ROR2: variants seen among roughly 807,000 people sequenced by gnomAD.
ROR2 encodes tyrosine-protein kinase transmembrane receptor ROR2.
Under a neutral mutation model 74.9 loss-of-function variants are expected in ROR2, and 33 were observed. That is an observed-to-expected ratio of 0.44 (90% CI 0.33 to 0.59). The LOEUF (loss-of-function observed/expected upper bound fraction) is 0.59. Ranked by LOEUF, ROR2 falls within the 20% of genes least tolerant of loss-of-function variation. The pLI is 0.02. For missense variants in ROR2, 1,216 were observed against 1,313.8 expected (o/e 0.93, Z 1.15); for synonymous variants, 586 against 558.7 (o/e 1.05, Z -0.69).
At chr9:91,725,246 C>A in intron 8 of ROR2, 139 bp from the exon 9 acceptor site, 1 of 1,479,176 alleles carries the variant, frequency 6.8e-7, no homozygotes, top group African/African-American at 1.4e-5. Context: ...GTTTTGCCCA[C>A]CCAGCCTTGG....
At chr9:91,834,475 A>G (rs934457371) in intron 1 of ROR2, among the ~76,000 whole-genome samples, 6 of 152,016 alleles carry the variant, frequency 3.9e-5, no homozygotes, top group Non-Finnish European at 7.4e-5. Context: ...CCTTTATTTA[A>G]CTCTAGCCAT....
At chr9:91,889,464 C>T (rs989227648) in intron 1 of ROR2, among the ~76,000 whole-genome samples, 1 of 152,186 alleles carries the variant, frequency 6.6e-6, no homozygotes. Flanking sequence ...GGGGGTGCCT[C>T]GGCGTCTCTG....
intron 1 of ROR2, among the ~76,000 whole-genome samples, chr9:91,918,256 C>A (rs1831185311): frequency 8.0e-6 from 1 of 125,514 alleles, no homozygotes; most frequent in African/African-American, 3.4e-5. Context: ...CGACAGGAGA[C>A]TCGTCTCAAA....
intron 1 of ROR2, among the ~76,000 whole-genome samples, chr9:91,820,591 G>A (rs10992123): frequency 0.24 from 36,396 of 148,682 alleles, 4,864 homozygotes; most frequent in Admixed American, 0.42. Context: ...CCACACCCAC[G>A]TGCGCAATGC....
intron 1 of ROR2, among the ~76,000 whole-genome samples, chr9:91,857,535 G>A (rs1350374697): frequency 6.6e-6 from 1 of 152,212 alleles, no homozygotes; most frequent in Non-Finnish European, 1.5e-5. Context: ...CAGGCACCAT[G>A]AGAAAAAGGC....
chr9:91,921,856 C>G (rs1215032679), intron 1 of ROR2, among the ~76,000 whole-genome samples: 2 of 88,322 alleles, frequency 2.3e-5, no homozygotes, highest in Non-Finnish European at 4.7e-5. Flanking sequence ...GACTCCGTCT[C>G]AAAAAAAAAA....
intron 1 of ROR2, among the ~76,000 whole-genome samples, chr9:91,891,252 C>CTTTTTTTTTTTTTTTTTT (rs59835723): frequency 1.5e-5 from 2 of 136,850 alleles, no homozygotes; most frequent in Non-Finnish European, 3.1e-5. Context: ...CTGTTCCTTT[C>CTTTTTTTTTTTTTTTTTT]TTTTTTTTTT....
intron 4 of ROR2, among the ~76,000 whole-genome samples, chr9:91,743,678 C>T (rs942566241): frequency 3.9e-5 from 6 of 152,154 alleles, no homozygotes; most frequent in Non-Finnish European, 1.5e-5. Context: ...TCAAAAGGGG[C>T]AACGTCCTCC....
At chr9:91,863,769 G>A (rs1829546237) in intron 1 of ROR2, among the ~76,000 whole-genome samples, 1 of 151,810 alleles carries the variant, frequency 6.6e-6, no homozygotes, top group South Asian at 2.1e-4. Context: ...GAGAAAGGGG[G>A]CTATGACTGA....
At chr9:91,946,726 G>A (rs1832022826) in intron 1 of ROR2, among the ~76,000 whole-genome samples, 1 of 151,172 alleles carries the variant, frequency 6.6e-6, no homozygotes, top group East Asian at 1.9e-4. Context: ...GCAGATTAGG[G>A]AGCTCAAGTC....
intron 8 of ROR2, among the ~76,000 whole-genome samples, chr9:91,725,981 A>C (rs772054799): frequency 1.3e-5 from 2 of 152,210 alleles, no homozygotes; most frequent in Non-Finnish European, 2.9e-5. Flanking sequence ...CAATGAGTGT[A>C]AATGCCCTTT....
At position 91,787,063 on chromosome 9, in the gene ROR2, C is replaced by T. The variant is rs570214463; in HGVS notation, c.98-11245G>A. Among the ~76,000 whole-genome samples the T allele has an allele frequency of 2.0e-5, 3 of 152,300 alleles. No homozygotes were observed. The East Asian group carries it at 5.8e-4, about 29-fold the overall frequency. On this transcript the variant is annotated intron_variant, in intron 1 of 8. Coordinates refer to ENST00000375708, the MANE Select transcript of ROR2 (RefSeq NM_004560.4). ...AGCCGTCTTTACAAACTCCCTGAAG[C>T]TGGACAGCATGTCATCTCCGTCTCA...
rs140401284 is a variant in ROR2 at position 91,741,143 on chromosome 9, A to G, written c.495-3625T>C. Among the ~76,000 whole-genome samples the G allele has an allele frequency of 3.7e-3, 556 of 152,134 alleles. 1 individual carries two copies. The highest frequency in any genetic ancestry group is 0.012 in the African/African-American group (510 of 41,498). On this transcript the variant is annotated intron_variant, in intron 4 of 8. Coordinates refer to ENST00000375708, the MANE Select transcript of ROR2 (RefSeq NM_004560.4). ...GATGAAACTCCGTCTCTATTAAAAT[A>G]CAAACAATTAGCCGGGTGTGGTGGT...
At chr9:91,887,073 C>T (rs910148035) in intron 1 of ROR2, 5 of 152,228 alleles carry the variant, frequency 3.3e-5, no homozygotes, top group Admixed American at 2.6e-4. Flanking sequence ...CCCCTGCGGT[C>T]GAGGGCCTTG....
chr9:91,832,575 C>T lies in ROR2; in HGVS notation c.98-56757G>A, dbSNP rs1178490935. Among the ~76,000 whole-genome samples the T allele has an allele frequency of 2.0e-5, 3 of 151,884 alleles. No individual in the cohort carries two copies. The East Asian group carries it at 5.8e-4, about 29-fold the overall frequency. On this transcript the variant is annotated intron_variant, in intron 1 of 8. Coordinates refer to ENST00000375708, the MANE Select transcript of ROR2 (RefSeq NM_004560.4). ...TGGGCCTGGCTCAGTGAGTAGAAGG[C>T]CTCAAAAGCAAAGCAGCGGCTTTTC...
intron 1 of ROR2, among the ~76,000 whole-genome samples, chr9:91,914,042 G>GA (rs1831060756): frequency 6.6e-6 from 1 of 151,942 alleles, no homozygotes; most frequent in Admixed American, 6.6e-5. Flanking sequence ...TTTCCAGCCA[G>GA]AAACTCTTGC....
At chr9:91,830,326 C>T (rs1828426568) in intron 1 of ROR2, among the ~76,000 whole-genome samples, 1 of 152,078 alleles carries the variant, frequency 6.6e-6, no homozygotes, top group Non-Finnish European at 1.5e-5. Context: ...TAAAAATTAG[C>T]CAGATATGGT....
intron 1 of ROR2, among the ~76,000 whole-genome samples, chr9:91,912,242 G>A (rs1352922091): frequency 2.6e-5 from 4 of 152,200 alleles, no homozygotes; most frequent in African/African-American, 9.7e-5. Flanking sequence ...TGACTTAAGA[G>A]ATTAACATTA....
intron 1 of ROR2, among the ~76,000 whole-genome samples, chr9:91,825,403 A>G (rs1828256568): frequency 6.6e-6 from 1 of 151,992 alleles, no homozygotes; most frequent in African/African-American, 2.4e-5. Context: ...CCTGTAATTC[A>G]CCTCTAATTC....
Sources: allele counts gnomAD v4.1 joint callset (sites outside exome capture counted in the v4.1 genomes callset), GRCh38; gene constraint gnomAD v4.1.1; transcripts MANE v1.5; gene names NCBI Gene and HGNC (gene_info 2026-07-23, HGNC 2026-07-21).